The following ZSCAN5A variants were observed in gnomAD, a reference collection of about 807,000 sequenced individuals.
ZSCAN5A encodes the protein zinc finger and SCAN domain-containing protein 5A.
ZSCAN5A carries 12 observed loss-of-function variants against 23.7 expected under a neutral mutation model. The ratio of observed to expected loss-of-function variants is 0.51; its 90% CI spans 0.32 to 0.82. The LOEUF (loss-of-function observed/expected upper bound fraction) is 0.82, where lower values mean the gene tolerates loss of function less well. Among genes scored for constraint, ZSCAN5A ranks in the 40% least tolerant of loss-of-function variants. The pLI is 0.03. For missense variants in ZSCAN5A, 597 were observed against 617.9 expected (o/e 0.97, Z 0.36); for synonymous variants, 257 against 239.9 (o/e 1.07, Z -0.66).
At chr19:56,336,287 T>C (rs1459050931) in intron 2 of ZSCAN5A, among the ~76,000 whole-genome samples, 4 of 152,250 alleles carry the variant, frequency 2.6e-5, no homozygotes, top group African/African-American at 7.2e-5. Context: ...TCATTTCTTT[T>C]TACTCTTTTT....
chr19:56,309,077 A>G (rs1457662329), intron 2 of ZSCAN5A, among the ~76,000 whole-genome samples: 1 of 152,250 alleles, frequency 6.6e-6, no homozygotes, highest in East Asian at 1.9e-4. Context: ...AAGGATAAAC[A>G]AAACGTAGTG....
chr19:56,270,291 G>A (rs1288537851), intron 2 of ZSCAN5A, among the ~76,000 whole-genome samples: 6 of 152,100 alleles, frequency 3.9e-5, no homozygotes, highest in African/African-American at 7.2e-5. Flanking sequence ...GGTGGCGCAC[G>A]CCTGTAATCC....
At chr19:56,254,162 C>A (rs77281769) in intron 2 of ZSCAN5A, among the ~76,000 whole-genome samples, 1 of 150,324 alleles carries the variant, frequency 6.7e-6, no homozygotes, top group Non-Finnish European at 1.5e-5. Flanking sequence ...TTCTTGTACT[C>A]TACTAGAATG....
chr19:56,301,445 G>A (rs964628102), intron 2 of ZSCAN5A, among the ~76,000 whole-genome samples: 1 of 152,026 alleles, frequency 6.6e-6, no homozygotes, highest in Non-Finnish European at 1.5e-5. Context: ...AGTATATAAT[G>A]AGCAGTGAGG....
intron 2 of ZSCAN5A, chr19:56,246,798 T>G: frequency 1.2e-6 from 2 of 1,609,484 alleles, no homozygotes; most frequent in Non-Finnish European, 8.5e-7. Flanking sequence ...ATGTGGATGC[T>G]GACACACCTT....
rs1013047828 is a variant in ZSCAN5A, at chr19:56,254,440, T to C, written c.-127-29267A>G. On this transcript the variant is annotated intron_variant, in intron 2 of 5. Transcript: ENST00000683990. ...CTTTGTAGCATGTGTCACAATGTCC[T>C]CCCTTTGGAAAGGGGAATAATATTC... Among the ~76,000 whole-genome samples, 5 of 152,288 alleles carry C rather than the reference T, an allele frequency of 3.3e-5. No individual in the cohort carries two copies. In the South Asian group the frequency reaches 1.0e-3, roughly 32 times the overall value.
intron 2 of ZSCAN5A, among the ~76,000 whole-genome samples, chr19:56,337,346 A>G (rs998751292): frequency 1.3e-5 from 2 of 152,342 alleles, no homozygotes; most frequent in East Asian, 1.9e-4. Context: ...TGTGCTAGCA[A>G]TGAGCGAGGC....
chr19:56,229,841 C>A (rs2034303463), intron 2 of ZSCAN5A, among the ~76,000 whole-genome samples: 6 of 151,710 alleles, frequency 4.0e-5, no homozygotes, highest in Admixed American at 3.9e-4. Flanking sequence ...TTTAGGGGTT[C>A]TTTTGCTATT....
At chr19:56,323,095 C>G (rs2041395019) in intron 2 of ZSCAN5A, among the ~76,000 whole-genome samples, 1 of 151,998 alleles carries the variant, frequency 6.6e-6, no homozygotes, top group South Asian at 2.1e-4. Flanking sequence ...GGGGTTTCAC[C>G]TTGTTAGCCA....
chr19:56,334,693 A>G (rs944090769), intron 2 of ZSCAN5A, among the ~76,000 whole-genome samples: 1 of 152,190 alleles, frequency 6.6e-6, no homozygotes, highest in African/African-American at 2.4e-5. Flanking sequence ...CAGGTACTGG[A>G]AAATCTGAGA....
At chr19:56,283,552 G>A (rs1041261082) in intron 2 of ZSCAN5A, 2 of 152,162 alleles carry the variant, frequency 1.3e-5, no homozygotes, top group African/African-American at 2.4e-5. Context: ...ACCGAGAAAG[G>A]TGTTGCGAGC....
At chr19:56,364,600 G>A (rs900941935) in intron 1 of ZSCAN5A, among the ~76,000 whole-genome samples, 23 of 152,152 alleles carry the variant, frequency 1.5e-4, no homozygotes, top group Non-Finnish European at 2.9e-5. Context: ...TCTATTACAA[G>A]AGAAAGGAGT....
intron 2 of ZSCAN5A, among the ~76,000 whole-genome samples, chr19:56,282,112 C>T (rs1246938731): frequency 6.6e-6 from 1 of 152,130 alleles, no homozygotes; most frequent in Non-Finnish European, 1.5e-5. Context: ...AAATATGGTA[C>T]AGGGTGGGTA....
intron 2 of ZSCAN5A, among the ~76,000 whole-genome samples, chr19:56,341,702 C>CAA (rs1175628460): frequency 0.038 from 2,044 of 53,708 alleles, 96 homozygotes; most frequent in East Asian, 0.16. Context: ...TACCAAAAGG[C>CAA]AAAAAAAAAA....
intron 2 of ZSCAN5A, among the ~76,000 whole-genome samples, chr19:56,237,501 GT>G (rs2035025344): frequency 6.6e-6 from 1 of 152,148 alleles, no homozygotes; most frequent in East Asian, 1.9e-4. Context: ...AAACTCTGAT[GT>G]TTTGTAGGTG....
At chr19:56,273,911 G>C (rs1404297716) in intron 2 of ZSCAN5A, among the ~76,000 whole-genome samples, 1 of 152,136 alleles carries the variant, frequency 6.6e-6, no homozygotes, top group Non-Finnish European at 1.5e-5. Flanking sequence ...AATGTGTCTT[G>C]CCCTCAGGAA....
intron 2 of ZSCAN5A, among the ~76,000 whole-genome samples, chr19:56,280,107 T>C: frequency 6.6e-6 from 1 of 152,330 alleles, no homozygotes; most frequent in Admixed American, 6.5e-5. Flanking sequence ...TCCAGAGATA[T>C]TTTATGCAAG....
rs897734475 is a variant in ZSCAN5A at position 56,294,401 on chromosome 19, C to T, written c.-128+18882G>A. Among the ~76,000 whole-genome samples, 4 of 152,212 alleles carry T rather than the reference C, an allele frequency of 2.6e-5. No homozygotes were observed. In the East Asian group the frequency reaches 7.7e-4, roughly 29 times the overall value. ...TGTGGGCGTAACTTACCCAAACTCC[C>T]TTAGATTCTATTTTCCTACCTGATT... On this transcript the variant is annotated intron_variant, in intron 2 of 5. Transcript: ENST00000683990.
intron 2 of ZSCAN5A, among the ~76,000 whole-genome samples, chr19:56,323,473 A>C (rs2041400955): frequency 6.7e-6 from 1 of 150,054 alleles, no homozygotes; most frequent in African/African-American, 2.5e-5. Context: ...TGTGCCTGGC[A>C]AAAAAATATG....
Sources: gnomAD v4.1 joint callset for allele counts (sites outside exome capture counted in the v4.1 genomes callset) on GRCh38, gnomAD v4.1.1 for gene constraint, MANE v1.5 for transcripts, NCBI Gene and HGNC (gene_info 2026-07-23, HGNC 2026-07-21) for gene names.